The following EML6 variants were observed in gnomAD, a reference collection of about 807,000 sequenced individuals.
EML6 encodes the protein echinoderm microtubule-associated protein-like 6.
EML6 carries 154 observed loss-of-function variants against 240.1 expected under a neutral mutation model. That is an observed-to-expected ratio of 0.64 (90% CI 0.56 to 0.73). The LOEUF (loss-of-function observed/expected upper bound fraction) is 0.73, where lower values mean the gene tolerates loss of function less well. EML6 is among the 30% of genes least tolerant of loss of function. The pLI, the probability that EML6 is intolerant of heterozygous loss-of-function variation, is 0.00. For synonymous variants in EML6, 1,148 were observed against 899.0 expected (o/e 1.28, Z -4.95); for missense variants, 2,964 against 2,474.6 (o/e 1.20, Z -4.20).
At chr2:54,912,030 C>T (rs1219321077) in intron 25 of EML6, among the ~76,000 whole-genome samples, 2 of 152,218 alleles carry the variant, frequency 1.3e-5, no homozygotes, top group African/African-American at 4.8e-5. Context: ...AAGGGTATGC[C>T]ACTGAGTGGC....
chr2:54,927,533 T>C (rs1558694499), intron 26 of EML6, among the ~76,000 whole-genome samples: 1 of 152,218 alleles, frequency 6.6e-6, no homozygotes, highest in Non-Finnish European at 1.5e-5. Flanking sequence ...CCGCTGCAGC[T>C]GTTTTTGCCA....
chr2:54,939,512 C>G (rs1171266735), intron 28 of EML6, among the ~76,000 whole-genome samples: 2 of 152,172 alleles, frequency 1.3e-5, no homozygotes, highest in Admixed American at 1.3e-4. Flanking sequence ...GACTCATTTC[C>G]AAGTACCAGT....
chr2:54,853,765 T>G lies in EML6; in HGVS notation c.1567T>G (p.Ser523Ala). Reference protein sequence around the residue: ...PKYTEVTDINSVDANYNSSVL... With the variant: ...PKYTEVTDINAVDANYNSSVL... ...ATACACTGAGGTTACTGACATCAAC[T>G]CAGTGGATGCGAATTACAACAGCTC... Residue 523 changes from serine to alanine, a missense_variant, in exon 11 of 42, where the codon TCA becomes GCA. Ser to Ala is a moderately conservative substitution (Grantham distance 99, BLOSUM62 1). Coordinates refer to ENST00000356458, the MANE Select transcript of EML6 (RefSeq NM_001039753.4). 6.4e-7 allele frequency: 1 copy of G among 1,551,688 alleles called. No individual in the cohort carries two copies. Among genetic ancestry groups the G allele is most frequent in the Non-Finnish European group, 8.7e-7 (1 of 1,146,966 alleles).
chr2:54,956,439 C>G (rs909833642), intron 32 of EML6, among the ~76,000 whole-genome samples: 1 of 152,172 alleles, frequency 6.6e-6, no homozygotes, highest in African/African-American at 2.4e-5. Context: ...CCTTATAGAT[C>G]TCTAATGTTA....
chr2:54,827,664 A>G lies in EML6; in HGVS notation c.624A>G (p.Glu208=). ...TCCTTTGCCTTGCATGTGCCAAAGAAGACATCACCTACTCTGGTGCTTTAA... is the reference window on the plus strand; with the variant it reads ...TCCTTTGCCTTGCATGTGCCAAAGAGGACATCACCTACTCTGGTGCTTTAA... ...QTILCLACAK[E]DITYSGALNG... is the part of the protein sequence containing the mutation. The change falls in exon 6 of 42, where the codon GAA becomes GAG. Residue 208 remains glutamate (E), a synonymous_variant. Coordinates refer to ENST00000356458, the MANE Select transcript of EML6 (RefSeq NM_001039753.4). 1 of 1,551,742 alleles carries G rather than the reference A, an allele frequency of 6.4e-7. No homozygotes were observed. Among genetic ancestry groups the G allele is most frequent in the East Asian group, 2.4e-5 (1 of 40,918 alleles).
At position 54,954,076 on chromosome 2, in the gene EML6, A is replaced by C. The variant is rs748722436; in HGVS notation, c.4406A>C (p.Asn1469Thr). The change falls in exon 32 of 42, where the codon AAC (asparagine) becomes ACC (threonine). Residue 1469 changes from asparagine to threonine, a missense_variant. Physicochemically the swap from Asn to Thr is moderately conservative, Grantham distance 65. Coordinates refer to ENST00000356458, the MANE Select transcript of EML6 (RefSeq NM_001039753.4). ...CACTCCAAGGGGGTGAATTACATCA[A>C]CTTCAGTGCAACTGGAAAGCTCCTG... ...CFHSKGVNYI[N>T]FSATGKLLVS... The C allele has an allele frequency of 1.9e-6, 3 of 1,550,892 alleles. No individual in the cohort carries two copies. Among genetic ancestry groups the C allele is most frequent in the Non-Finnish European group, 2.6e-6 (3 of 1,146,724 alleles).
intron 36 of EML6, among the ~76,000 whole-genome samples, 182 bp from the exon 37 acceptor site, chr2:54,963,804 C>A (rs544064911): frequency 6.6e-6 from 1 of 152,224 alleles, no homozygotes; most frequent in Non-Finnish European, 1.5e-5. Flanking sequence ...CCCCAAGCTG[C>A]TCTAATCAAG....
At chr2:54,957,305 A>G (rs1400341840) in intron 32 of EML6, among the ~76,000 whole-genome samples, 3 of 151,892 alleles carry the variant, frequency 2.0e-5, no homozygotes. Context: ...AAACACCACA[A>G]ACTAAAAAGG....
intron 34 of EML6, among the ~76,000 whole-genome samples, chr2:54,959,625 G>A (rs1209914047): frequency 6.6e-6 from 1 of 152,166 alleles, no homozygotes; most frequent in Non-Finnish European, 1.5e-5. Context: ...GGCCGGGCAT[G>A]GTGGTGGGCG....
At chr2:54,785,478 T>A (rs969522740) in intron 2 of EML6, among the ~76,000 whole-genome samples, 3 of 152,226 alleles carry the variant, frequency 2.0e-5, no homozygotes, top group Non-Finnish European at 4.4e-5. Context: ...CCACTGTGCC[T>A]GGCCCCCATG....
At chr2:54,934,328 C>T (rs550631256) in intron 28 of EML6, among the ~76,000 whole-genome samples, 4 of 152,198 alleles carry the variant, frequency 2.6e-5, no homozygotes, top group South Asian at 2.1e-4. Context: ...TGTATCCTCC[C>T]GCCCTCCCAT....
intron 2 of EML6, among the ~76,000 whole-genome samples, chr2:54,790,724 C>CTTT (rs368684488): frequency 1.1e-4 from 14 of 123,268 alleles, no homozygotes; most frequent in East Asian, 4.7e-4. Context: ...CTTAATTTTC[C>CTTT]TTTTTTTTTT....
chr2:54,881,142 GATTGAC>G (rs1671787408), intron 17 of EML6: 2 of 152,120 alleles, frequency 1.3e-5, no homozygotes, highest in African/African-American at 4.8e-5. Context: ...GAACATTTTG[GATTGAC>G]ATTAGCCAGT....
chr2:54,926,787 T>G (rs1674570804), intron 26 of EML6, among the ~76,000 whole-genome samples: 1 of 152,242 alleles, frequency 6.6e-6, no homozygotes, highest in African/African-American at 2.4e-5. Context: ...TCTCTCTTTC[T>G]TCCTCTATGT....
At chr2:54,846,483 A>C (rs576725595) in intron 8 of EML6, among the ~76,000 whole-genome samples, 73 of 83,680 alleles carry the variant, frequency 8.7e-4, no homozygotes, top group Admixed American at 3.2e-3. Context: ...ATTGATACAT[A>C]ATTTTTTTTT....
intron 26 of EML6, among the ~76,000 whole-genome samples, chr2:54,926,212 C>A (rs944941292): frequency 2.0e-5 from 3 of 152,198 alleles, no homozygotes; most frequent in Non-Finnish European, 4.4e-5. Context: ...AGCAATTCTC[C>A]TGCCTCAGCC....
At chr2:54,834,529 C>T (rs1225774846) in intron 7 of EML6, among the ~76,000 whole-genome samples, 1 of 152,144 alleles carries the variant, frequency 6.6e-6, no homozygotes, top group Non-Finnish European at 1.5e-5. Flanking sequence ...ATTAAACATC[C>T]AAGTGCCAGA....
intron 2 of EML6, among the ~76,000 whole-genome samples, chr2:54,742,581 T>C (rs1361360517): frequency 1.3e-5 from 2 of 152,196 alleles, no homozygotes; most frequent in Non-Finnish European, 2.9e-5. Context: ...ACCCCAGTTA[T>C]GCAGGCGACT....
chr2:54,851,568 G>A (rs930508295), intron 10 of EML6, among the ~76,000 whole-genome samples: 6 of 152,148 alleles, frequency 3.9e-5, no homozygotes, highest in Non-Finnish European at 8.8e-5. Context: ...ATAATTTTCT[G>A]TATGCTCGAA....
Sources: allele counts gnomAD v4.1 joint callset (sites outside exome capture counted in the v4.1 genomes callset), GRCh38; gene constraint gnomAD v4.1.1; transcripts MANE v1.5; gene names NCBI Gene and HGNC (gene_info 2026-07-23, HGNC 2026-07-21).